COMMD8: variants seen among roughly 807,000 people sequenced by gnomAD.
COMMD8 encodes the protein COMM domain containing 8.
In COMMD8, 28 loss-of-function variants were observed where a neutral mutation model predicts 27.2. The ratio of observed to expected loss-of-function variants is 1.03; its 90% CI spans 0.76 to 1.41. The LOEUF (loss-of-function observed/expected upper bound fraction) is 1.41, where lower values mean the gene tolerates loss of function less well. Ranked by LOEUF, COMMD8 falls within the 40% of genes most tolerant of loss-of-function variation. The probability of loss-of-function intolerance (pLI) is 0.00; values close to 1 mark genes in which losing one functional copy is unlikely to be tolerated. For missense variants in COMMD8, 217 were observed against 211.2 expected, an observed-to-expected ratio of 1.03 and a Z score of -0.17; for synonymous variants, 79 against 75.5, an observed-to-expected ratio of 1.05 and a Z score of -0.24.
Position 47,460,832 on chromosome 4 carries a change from G to A in COMMD8, c.67-533C>T, listed in dbSNP as rs927964729. On this transcript the variant is annotated intron_variant, in intron 1 of 4. Coordinates refer to ENST00000381571, the MANE Select transcript of COMMD8 (RefSeq NM_017845.5). ...AGCAGTTACTTTTGCTGTATTCCCA[G>A]AAAGTCTCCAGTACTTTTTTCCTTT... 3.3e-5 allele frequency among the ~76,000 whole-genome samples: 5 copies of A among 152,090 alleles called. 1 individual carries two copies. The highest frequency in any genetic ancestry group is 1.2e-4 in the African/African-American group (5 of 41,430).
chr4:47,460,870 T>C (rs1050564194), intron 1 of COMMD8, among the ~76,000 whole-genome samples: 1 of 152,168 alleles, frequency 6.6e-6, no homozygotes, highest in Admixed American at 6.5e-5. Context: ...TTACTTTCCT[T>C]TCTATCCTAT....
intron 1 of COMMD8, among the ~76,000 whole-genome samples, chr4:47,463,266 GA>G (rs1730111785): frequency 6.6e-6 from 1 of 152,210 alleles, no homozygotes; most frequent in Non-Finnish European, 1.5e-5. Flanking sequence ...GAGCCTTTGG[GA>G]GGTTATGTGT....
chr4:47,451,815 T>C (rs1729759793), intron 4 of COMMD8, 150 bp from the exon 5 acceptor site: 1 of 564,386 alleles, frequency 1.8e-6, no homozygotes, highest in Non-Finnish European at 3.1e-6. Flanking sequence ...ATATGCCTGC[T>C]GGAATCTACG....
At chr4:47,453,000 C>CA (rs924120785) in intron 4 of COMMD8, 59 bp downstream of exon 4, 1,771 of 1,437,722 alleles carry the variant, frequency 1.2e-3, no homozygotes, top group South Asian at 1.7e-3. Flanking sequence ...CCAACGCAAA[C>CA]AAAAAAAAAC....
chr4:47,453,712 T>C (rs1463322506), intron 3 of COMMD8, among the ~76,000 whole-genome samples: 3 of 152,218 alleles, frequency 2.0e-5, no homozygotes, highest in African/African-American at 4.8e-5. Flanking sequence ...AGAAACACTC[T>C]GTACATTTAC....
intron 1 of COMMD8, among the ~76,000 whole-genome samples, chr4:47,461,802 A>C (rs1478575300): frequency 6.6e-6 from 1 of 152,234 alleles, no homozygotes; most frequent in Non-Finnish European, 1.5e-5. Context: ...TTTACAAATG[A>C]GGAAACTGAG....
At chr4:47,453,389 G>A (rs911578214) in intron 3 of COMMD8, among the ~76,000 whole-genome samples, 175 bp from the exon 4 acceptor site, 1 of 152,228 alleles carries the variant, frequency 6.6e-6, no homozygotes, top group Non-Finnish European at 1.5e-5. Flanking sequence ...AACAGAAAGA[G>A]AAAGGAGAGT....
At chr4:47,463,444 C>G (rs1401924184) in intron 1 of COMMD8, 142 bp downstream of exon 1, 4 of 781,342 alleles carry the variant, frequency 5.1e-6, no homozygotes. Context: ...AAGGCGGGGA[C>G]CAACCACCCG....
At chr4:47,463,536 C>T in intron 1 of COMMD8, 50 bp downstream of exon 1, 6 of 1,510,270 alleles carry the variant, frequency 4.0e-6, no homozygotes, top group South Asian at 1.2e-5. Flanking sequence ...GCACGCCGGG[C>T]TGTCGCGAAT....
chr4:47,451,381 A>T lies in COMMD8; in HGVS notation c.*264T>A. ...ATGTATCTCCAAAGATTTCTCAAATATTTAATAAATGAGGCAAAACAATCA... is the reference window on the plus strand; with the variant it reads ...ATGTATCTCCAAAGATTTCTCAAATTTTTAATAAATGAGGCAAAACAATCA... On this transcript the variant is annotated 3_prime_UTR_variant, in exon 5 of 5. Coordinates refer to ENST00000381571, the MANE Select transcript of COMMD8 (RefSeq NM_017845.5). 5.1e-6 allele frequency: 2 copies of T among 390,256 alleles called. No homozygotes were observed. Among genetic ancestry groups the T allele is most frequent in the Non-Finnish European group, 9.1e-6 (2 of 219,296 alleles). The allele number at this position is 390,256 out of a possible 1,614,324, so 24.2% of individuals were successfully genotyped here.
Position 47,463,660 on chromosome 4 carries a change from G to A in COMMD8, c.-9C>T, listed in dbSNP as rs1276329594. The A allele has an allele frequency of 5.8e-6, 9 of 1,547,268 alleles. No individual in the cohort carries two copies. The highest frequency in any genetic ancestry group is 7.9e-6 in the Non-Finnish European group (9 of 1,145,320). On this transcript the variant is annotated 5_prime_UTR_variant, in exon 1 of 5. Coordinates refer to ENST00000381571, the MANE Select transcript of COMMD8 (RefSeq NM_017845.5). ...CCCTCTTCCGGCTCCATCCCTGCGCGAAGCTGGGGCTTGGGTCACGTGTCA... is the reference window on the plus strand; with the variant it reads ...CCCTCTTCCGGCTCCATCCCTGCGCAAAGCTGGGGCTTGGGTCACGTGTCA...
intron 3 of COMMD8, among the ~76,000 whole-genome samples, chr4:47,456,206 C>A (rs1729879855): frequency 6.7e-6 from 1 of 149,238 alleles, no homozygotes; most frequent in South Asian, 2.1e-4. Flanking sequence ...GAGATCGCAC[C>A]ATTGCACTCC....
chr4:47,456,526 C>T (rs1729894477), intron 3 of COMMD8, 51 bp downstream of exon 3: 1 of 1,332,612 alleles, frequency 7.5e-7, no homozygotes, highest in Non-Finnish European at 1.0e-6. Context: ...AAAGATATTT[C>T]TCTATATCCA....
At chr4:47,454,215 G>A (rs754771200) in intron 3 of COMMD8, among the ~76,000 whole-genome samples, 1 of 152,148 alleles carries the variant, frequency 6.6e-6, no homozygotes, top group Non-Finnish European at 1.5e-5. Flanking sequence ...ACTCATACTT[G>A]TTAAAAAGTT....
At chr4:47,456,861 T>A in intron 2 of COMMD8, 132 bp from the exon 3 acceptor site, 1 of 646,594 alleles carries the variant, frequency 1.5e-6, no homozygotes, top group Non-Finnish European at 2.4e-6. Context: ...TAAAAAAGAG[T>A]AAGATGAGAA....
chr4:47,458,111 A>G (rs1428027306), intron 2 of COMMD8, among the ~76,000 whole-genome samples: 1 of 152,070 alleles, frequency 6.6e-6, no homozygotes, highest in African/African-American at 2.4e-5. Context: ...TTAGAATTGT[A>G]GGATGCTTCT....
chr4:47,457,843 G>GA (rs200822978), intron 2 of COMMD8, among the ~76,000 whole-genome samples: 7,507 of 113,898 alleles, frequency 0.066, 262 homozygotes, highest in African/African-American at 0.12. Flanking sequence ...GGGAGGAAAA[G>GA]AAAAAAAAAA....
At chr4:47,453,582 G>A (rs1386795545) in intron 3 of COMMD8, among the ~76,000 whole-genome samples, 1 of 152,166 alleles carries the variant, frequency 6.6e-6, no homozygotes, top group African/African-American at 2.4e-5. Context: ...ACAAAGATAA[G>A]TGAGACCAAA....
chr4:47,459,095 T>C (rs1729958086), intron 2 of COMMD8, among the ~76,000 whole-genome samples: 1 of 152,094 alleles, frequency 6.6e-6, no homozygotes, highest in African/African-American at 2.4e-5. Context: ...TCAGCACAAA[T>C]ATTTCTGAAA....
Sources: allele counts gnomAD v4.1 joint callset (sites outside exome capture counted in the v4.1 genomes callset), GRCh38; gene constraint gnomAD v4.1.1; transcripts MANE v1.5; gene names NCBI Gene and HGNC (gene_info 2026-07-23, HGNC 2026-07-21).